The following LRRC63 variants were observed in gnomAD, a reference collection of about 807,000 sequenced individuals.
The protein encoded by LRRC63 is leucine rich repeat containing 63, also known as leucine-rich repeat-containing protein 63.
Under a neutral mutation model 49.5 loss-of-function variants are expected in LRRC63, and 40 were observed. The ratio of observed to expected loss-of-function variants is 0.81; its 90% CI spans 0.63 to 1.05. The LOEUF (loss-of-function observed/expected upper bound fraction) is 1.05. LRRC63 is among the 50% of genes least tolerant of loss of function. LRRC63 has a pLI of 0.00. For synonymous variants in LRRC63, 191 were observed against 221.1 expected (o/e 0.86, Z 1.21); for missense variants, 636 against 663.1 (o/e 0.96, Z 0.45).
chr13:46,234,385 T>A (rs2046848614), intron 5 of LRRC63, 36 bp downstream of exon 5: 1 of 1,521,910 alleles, frequency 6.6e-7, no homozygotes, highest in African/African-American at 1.4e-5. Flanking sequence ...TGCCCTCCTG[T>A]ATTATCAATT....
intron 6 of LRRC63, among the ~76,000 whole-genome samples, chr13:46,247,439 A>G (rs2047245112): frequency 6.6e-6 from 1 of 152,146 alleles, no homozygotes; most frequent in Admixed American, 6.5e-5. Flanking sequence ...AGATACAGAT[A>G]ATATTTGTGT....
chr13:46,276,491 A>C, intron 9 of LRRC63, 99 bp from the exon 10 acceptor site: 1 of 512,188 alleles, frequency 2.0e-6, no homozygotes, highest in South Asian at 1.0e-4. Flanking sequence ...AAGCTCAATG[A>C]AGGTAAGGGC....
chr13:46,213,122 A>G lies in LRRC63; in HGVS notation c.85+3A>G, dbSNP rs752634527. The G allele has an allele frequency of 2.0e-5, 31 of 1,518,514 alleles. No homozygotes were observed. In the South Asian group the frequency reaches 2.6e-4, roughly 12 times the overall value. The allele number at this position is 1,518,514 out of a possible 1,614,324, so 94.1% of individuals were successfully genotyped here. ...ACATGAGAAAAAAACCCATACAGGTATGTGTATTAATCAGATATGTGTATT... is the reference window on the plus strand; with the variant it reads ...ACATGAGAAAAAAACCCATACAGGTGTGTGTATTAATCAGATATGTGTATT... On this transcript the variant is annotated splice_donor_region_variant and intron_variant, in intron 2 of 9. Coordinates refer to ENST00000595396, the Ensembl canonical transcript of LRRC63.
At chr13:46,219,389 A>G (rs2046341955) in intron 2 of LRRC63, among the ~76,000 whole-genome samples, 1 of 151,912 alleles carries the variant, frequency 6.6e-6, no homozygotes, top group Admixed American at 6.6e-5. Context: ...CTGCTGATCG[A>G]TTTGGCTTTT....
At chr13:46,276,341 T>C (rs1684390098) in intron 9 of LRRC63, among the ~76,000 whole-genome samples, 1 of 152,074 alleles carries the variant, frequency 6.6e-6, no homozygotes, top group Admixed American at 6.5e-5. Flanking sequence ...TTGGGATCTA[T>C]CATTAGAGTT....
chr13:46,212,649 A>G (rs2046125326), intron 1 of LRRC63, among the ~76,000 whole-genome samples: 1 of 152,222 alleles, frequency 6.6e-6, no homozygotes, highest in Non-Finnish European at 1.5e-5. Context: ...AGAGAGAAAA[A>G]AAATGTCATT....
chr13:46,266,113 A>G (rs1426427068), intron 8 of LRRC63, among the ~76,000 whole-genome samples: 2 of 152,196 alleles, frequency 1.3e-5, no homozygotes, highest in East Asian at 1.9e-4. Flanking sequence ...TCTCTCATGA[A>G]CAGACTCTTT....
intron 9 of LRRC63, among the ~76,000 whole-genome samples, chr13:46,270,979 G>A (rs7334255): frequency 0.23 from 34,726 of 152,108 alleles, 4,688 homozygotes; most frequent in East Asian, 0.35. Context: ...AATAATTTAC[G>A]CATTATCCCA....
chr13:46,227,427 G>A (rs946376166), intron 2 of LRRC63, 85 bp from the exon 3 acceptor site: 36 of 920,680 alleles, frequency 3.9e-5, no homozygotes, highest in Non-Finnish European at 5.4e-5. Context: ...GGGGTGAGTG[G>A]GTAAAGAAAA....
chr13:46,215,703 G>A (rs980676007), intron 2 of LRRC63, among the ~76,000 whole-genome samples: 4 of 152,014 alleles, frequency 2.6e-5, no homozygotes, highest in Admixed American at 2.0e-4. Flanking sequence ...TGCCTGTGTT[G>A]TGAATGGTAT....
intron 2 of LRRC63, among the ~76,000 whole-genome samples, chr13:46,219,628 A>G (rs2046348322): frequency 1.3e-5 from 2 of 151,924 alleles, no homozygotes; most frequent in Admixed American, 6.5e-5. Flanking sequence ...TTCTCCATCC[A>G]GTTTTGTTTC....
chr13:46,270,297 G>A, intron 9 of LRRC63: 1 of 837,464 alleles, frequency 1.2e-6, no homozygotes. Flanking sequence ...AGTCCCAACT[G>A]TAGCAGACTT....
intron 2 of LRRC63, among the ~76,000 whole-genome samples, chr13:46,221,848 G>A (rs1306393237): frequency 2.6e-5 from 4 of 152,154 alleles, no homozygotes; most frequent in Non-Finnish European, 5.9e-5. Flanking sequence ...GGCCTTGGAC[G>A]TTTTCAATAT....
intron 3 of LRRC63, 55 bp from the exon 4 acceptor site, chr13:46,228,610 C>G: frequency 1.9e-6 from 2 of 1,046,056 alleles, no homozygotes. Context: ...ATAAAACCCT[C>G]AAGTGAATTT....
At chr13:46,275,949 C>T (rs1289123472) in intron 9 of LRRC63, among the ~76,000 whole-genome samples, 1 of 151,976 alleles carries the variant, frequency 6.6e-6, no homozygotes, top group African/African-American at 2.4e-5. Flanking sequence ...TAAACATATT[C>T]TTATAATCTG....
chr13:46,227,902 C>T (rs1287270379), exon 3 of LRRC63: 2 of 1,550,460 alleles, frequency 1.3e-6, no homozygotes, highest in Admixed American at 3.9e-5. Flanking sequence ...TTTTCCAAAC[C>T]TAAAAGTACT....
chr13:46,274,642 T>G (rs986277453), intron 9 of LRRC63, among the ~76,000 whole-genome samples: 1 of 152,232 alleles, frequency 6.6e-6, no homozygotes, highest in African/African-American at 2.4e-5. Flanking sequence ...GTCAGAAGAC[T>G]CATGTTCCAC....
At chr13:46,265,848 T>G (rs900509730) in intron 8 of LRRC63, among the ~76,000 whole-genome samples, 1 of 152,176 alleles carries the variant, frequency 6.6e-6, no homozygotes, top group African/African-American at 2.4e-5. Context: ...TTAGTCAAAC[T>G]CTGGTTGAGG....
chr13:46,259,395 CA>C (rs1262168181), intron 7 of LRRC63, among the ~76,000 whole-genome samples: 2 of 151,966 alleles, frequency 1.3e-5, no homozygotes, highest in East Asian at 1.9e-4. Flanking sequence ...AAGGTTAAAA[CA>C]AAAAGTCTTT....
Sources: gnomAD v4.1 joint callset for allele counts (sites outside exome capture counted in the v4.1 genomes callset) on GRCh38, gnomAD v4.1.1 for gene constraint, MANE v1.5 for transcripts, NCBI Gene and HGNC (gene_info 2026-07-23, HGNC 2026-07-21) for gene names.